The following MYO1D variants were observed in gnomAD, a reference collection of about 807,000 sequenced individuals.
MYO1D encodes the protein unconventional myosin-Id.
A neutral mutation model predicts 122.0 loss-of-function variants in MYO1D; 83 were observed. That is an observed-to-expected ratio of 0.68 (90% confidence interval 0.57 to 0.82). The LOEUF is 0.82. Ranked by LOEUF, MYO1D falls within the 40% of genes least tolerant of loss-of-function variation. MYO1D has a pLI of 0.00. For missense variants in MYO1D, 1,157 were observed against 1,269.5 expected, an observed-to-expected ratio of 0.91 and a Z score of 1.35; for synonymous variants, 464 against 446.9, an observed-to-expected ratio of 1.04 and a Z score of -0.48.
At chr17:32,663,703 G>A (rs76247644) in intron 16 of MYO1D, among the ~76,000 whole-genome samples, 2,214 of 152,284 alleles carry the variant, frequency 0.015, 42 homozygotes, top group African/African-American at 0.048. Context: ...GCTTGTGAAA[G>A]AAGTCTTCTT....
intron 20 of MYO1D, among the ~76,000 whole-genome samples, chr17:32,613,383 T>C (rs746731417): frequency 6.6e-6 from 1 of 152,122 alleles, no homozygotes; most frequent in African/African-American, 2.4e-5. Flanking sequence ...CAAATACAGA[T>C]GCAAAATCCA....
intron 21 of MYO1D, among the ~76,000 whole-genome samples, chr17:32,506,369 G>T (rs550686295): frequency 6.6e-6 from 1 of 152,184 alleles, no homozygotes; most frequent in Non-Finnish European, 1.5e-5. Flanking sequence ...GCATTCAAAG[G>T]TCCATGTCTC....
intron 20 of MYO1D, 90 bp downstream of exon 20, chr17:32,638,632 A>G: frequency 1.3e-6 from 1 of 781,568 alleles, no homozygotes; most frequent in Non-Finnish European, 2.1e-6. Flanking sequence ...TAAAGCCCCA[A>G]AGATTCTAGA....
intron 8 of MYO1D, among the ~76,000 whole-genome samples, chr17:32,762,158 AGAGAG>A (rs1417342838): frequency 6.6e-6 from 1 of 151,908 alleles, no homozygotes; most frequent in African/African-American, 2.4e-5. Flanking sequence ...TAGCCAAGCA[AGAGAG>A]GAGAGAAGAG....
intron 21 of MYO1D, among the ~76,000 whole-genome samples, chr17:32,603,589 GAT>G (rs1469849470): frequency 1.3e-5 from 2 of 148,324 alleles, no homozygotes; most frequent in Non-Finnish European, 3.0e-5. Context: ...GAAGTGGCGG[GAT>G]CTTGGCTCAC....
chr17:32,857,853 C>A (rs2091040276), intron 1 of MYO1D, among the ~76,000 whole-genome samples: 1 of 152,160 alleles, frequency 6.6e-6, no homozygotes, highest in South Asian at 2.1e-4. Context: ...AATCATCAGG[C>A]ATTTATTATA....
intron 16 of MYO1D, among the ~76,000 whole-genome samples, chr17:32,707,091 G>C (rs1430908115): frequency 2.0e-5 from 3 of 152,072 alleles, no homozygotes; most frequent in Non-Finnish European, 4.4e-5. Context: ...ACATCGAAGA[G>C]TTTACGATTA....
At chr17:32,714,435 G>A (rs1371641289) in intron 15 of MYO1D, among the ~76,000 whole-genome samples, 2 of 152,176 alleles carry the variant, frequency 1.3e-5, no homozygotes, top group African/African-American at 4.8e-5. Context: ...ATTCCATGGT[G>A]TGTATGTACC....
At chr17:32,606,700 C>T (rs183707980) in intron 20 of MYO1D, among the ~76,000 whole-genome samples, 1 of 152,292 alleles carries the variant, frequency 6.6e-6, no homozygotes, top group East Asian at 1.9e-4. Flanking sequence ...GGGAACTTAA[C>T]CTGATAAAAT....
chr17:32,848,348 G>A (rs1051934949), intron 1 of MYO1D, among the ~76,000 whole-genome samples: 3 of 152,198 alleles, frequency 2.0e-5, no homozygotes, highest in Non-Finnish European at 1.5e-5. Flanking sequence ...GGGGCAGGAT[G>A]TCTGCAACTT....
intron 21 of MYO1D, among the ~76,000 whole-genome samples, chr17:32,538,538 G>A (rs1487313408): frequency 6.6e-6 from 1 of 151,298 alleles, no homozygotes; most frequent in Non-Finnish European, 1.5e-5. Context: ...GGACTCAAGT[G>A]ATCCTTGAGG....
intron 5 of MYO1D, 132 bp downstream of exon 5, chr17:32,772,657 C>T (rs762412011): frequency 5.4e-5 from 40 of 735,842 alleles, no homozygotes; most frequent in Non-Finnish European, 8.8e-5. Flanking sequence ...TGCGTGCGTG[C>T]GTGCATGCGT....
chr17:32,809,431 C>CTT (rs57040549), intron 1 of MYO1D, among the ~76,000 whole-genome samples: 13,987 of 135,844 alleles, frequency 0.1, 828 homozygotes, highest in African/African-American at 0.13. Flanking sequence ...TGGCCTAGGC[C>CTT]TTTTTTTTTT....
intron 13 of MYO1D, among the ~76,000 whole-genome samples, chr17:32,741,224 TAA>T (rs58505921): frequency 1.3e-4 from 13 of 100,276 alleles, no homozygotes; most frequent in Non-Finnish European, 1.5e-4. Context: ...ATACCACTTC[TAA>T]AAAAAAAAAA....
chr17:32,548,100 C>T (rs1332943725), intron 21 of MYO1D, among the ~76,000 whole-genome samples: 1 of 152,120 alleles, frequency 6.6e-6, no homozygotes, highest in Non-Finnish European at 1.5e-5. Flanking sequence ...TTGTCACCTG[C>T]TGAAGAAATT....
At chr17:32,645,960 T>C (rs1455997913) in intron 19 of MYO1D, among the ~76,000 whole-genome samples, 1 of 152,180 alleles carries the variant, frequency 6.6e-6, no homozygotes, top group African/African-American at 2.4e-5. Flanking sequence ...CTGCGTTCCT[T>C]TGGAGGAGGA....
intron 17 of MYO1D, 146 bp downstream of exon 17, chr17:32,658,969 A>G: frequency 1.2e-6 from 1 of 820,130 alleles, no homozygotes; most frequent in Admixed American, 2.7e-5. Context: ...TTTGAAAGCC[A>G]AATCTACAAA....
intron 21 of MYO1D, among the ~76,000 whole-genome samples, chr17:32,502,505 G>A (rs1017863541): frequency 6.6e-6 from 1 of 152,162 alleles, no homozygotes; most frequent in Non-Finnish European, 1.5e-5. Flanking sequence ...TTGTAACATT[G>A]TGAATGTACT....
At chr17:32,574,482 C>A (rs2087260332) in intron 21 of MYO1D, among the ~76,000 whole-genome samples, 1 of 152,134 alleles carries the variant, frequency 6.6e-6, no homozygotes, top group Non-Finnish European at 1.5e-5. Flanking sequence ...GGCTAATTGT[C>A]TTTCTGCAAG....
Sources: gnomAD v4.1 joint callset for allele counts (sites outside exome capture counted in the v4.1 genomes callset) on GRCh38, gnomAD v4.1.1 for gene constraint, MANE v1.5 for transcripts, NCBI Gene and HGNC (gene_info 2026-07-23, HGNC 2026-07-21) for gene names.